The following MAPK4 variants were observed in gnomAD, a reference collection of about 807,000 sequenced individuals.
The protein encoded by MAPK4 is mitogen-activated protein kinase 4.
In MAPK4, 22 loss-of-function variants were observed where a neutral mutation model predicts 47.7. The observed-to-expected ratio is 0.46, with a 90% CI of 0.33 to 0.66. MAPK4 has a LOEUF of 0.66. Among genes scored for constraint, MAPK4 ranks in the 30% least tolerant of loss-of-function variants. The pLI, the probability that MAPK4 is intolerant of heterozygous loss-of-function variation, is 0.02. For missense variants in MAPK4, 736 were observed against 831.7 expected (o/e 0.88, Z 1.42); for synonymous variants, 390 against 365.7 (o/e 1.07, Z -0.76).
At chr18:50,654,906 G>A (rs898672508) in intron 1 of MAPK4, among the ~76,000 whole-genome samples, 6 of 152,206 alleles carry the variant, frequency 3.9e-5, no homozygotes, top group Non-Finnish European at 7.3e-5. Flanking sequence ...GGCTGGTTAC[G>A]TAATTTTCAA....
At chr18:50,715,381 G>T (rs1910587759) in intron 3 of MAPK4, among the ~76,000 whole-genome samples, 158 bp downstream of exon 3, 1 of 152,124 alleles carries the variant, frequency 6.6e-6, no homozygotes, top group Non-Finnish European at 1.5e-5. Flanking sequence ...TTATTATATT[G>T]TCAGGCAAAA....
At chr18:50,672,064 G>A (rs1242441281) in intron 2 of MAPK4, among the ~76,000 whole-genome samples, 1 of 152,046 alleles carries the variant, frequency 6.6e-6, no homozygotes, top group Non-Finnish European at 1.5e-5. Context: ...GACTAAAATG[G>A]GGTCTCTGCC....
At position 50,664,480 on chromosome 18, in the gene MAPK4, C is replaced by T. The variant is rs191006677; in HGVS notation, c.522C>T (p.Ile174=). 1.0e-5 allele frequency: 16 copies of T among 1,603,224 alleles called. No homozygotes were observed. Among genetic ancestry groups the T allele is most frequent in the East Asian group, 9.0e-5 (4 of 44,684 alleles). The change falls in exon 2 of 6, where the codon ATC becomes ATT. Residue 174 remains isoleucine (I), a synonymous_variant. Transcript: ENST00000400384. The surrounding 1 kb of genome is among the most constrained non-coding windows in gnomAD (Gnocchi z 6.0). ...TTGGGGATTTCGGGTTGGCAAGGAT[C>T]GTTGATCAGCATTACTCCCACAAGG... ...LKIGDFGLAR[I]VDQHYSHKGY... is the part of the protein sequence containing the mutation.
At chr18:50,631,701 C>A (rs2042831725) in intron 1 of MAPK4, among the ~76,000 whole-genome samples, 1 of 152,048 alleles carries the variant, frequency 6.6e-6, no homozygotes, top group Admixed American at 6.5e-5. Flanking sequence ...TTTTAACTCT[C>A]CATGTGTGGC....
chr18:50,695,444 A>G (rs531493479), intron 2 of MAPK4, among the ~76,000 whole-genome samples: 1 of 151,014 alleles, frequency 6.6e-6, no homozygotes, highest in African/African-American at 2.4e-5. Flanking sequence ...TGGGTCTTGT[A>G]TGGAACACTT....
At position 50,729,651 on chromosome 18, in the gene MAPK4, T is replaced by G. The variant is rs750446711; in HGVS notation, c.1561T>G (p.Ser521Ala). The change falls in exon 6 of 6, where the codon TCG becomes GCG. Residue 521 changes from serine (S) to alanine (A), a missense_variant. Physicochemically the swap from Ser to Ala is moderately conservative, Grantham distance 99. Transcript: ENST00000400384. ...ADDPERRLSASPPGRPAPVDG... is the reference protein window; with the variant it reads ...ADDPERRLSAAPPGRPAPVDG... ...CGACCCCGAGCGCCGCTTGTCTGCC[T>G]CGCCCCCCGGCCGCCCGGCCCCGGT... 393 of 1,511,278 alleles carry G rather than the reference T, an allele frequency of 2.6e-4. No homozygotes were observed. The highest frequency in any genetic ancestry group is 2.6e-4 in the Non-Finnish European group (294 of 1,127,280). 93.6% of individuals were successfully genotyped at this position (1,511,278 alleles called of 1,614,324 possible).
chr18:50,706,625 G>A (rs1210265981), intron 2 of MAPK4, among the ~76,000 whole-genome samples: 7 of 152,068 alleles, frequency 4.6e-5, no homozygotes, highest in Admixed American at 4.6e-4. Flanking sequence ...CACAAGGACT[G>A]GCCTATTAAA....
At chr18:50,729,099 C>A in intron 5 of MAPK4, 59 bp from the exon 6 acceptor site, 3 of 1,427,620 alleles carry the variant, frequency 2.1e-6, no homozygotes, top group Non-Finnish European at 2.9e-6. Context: ...GGGCTTGGCT[C>A]CCTCCCGGAA....
At chr18:50,707,565 G>C (rs1197383305) in intron 2 of MAPK4, among the ~76,000 whole-genome samples, 2 of 104,426 alleles carry the variant, frequency 1.9e-5, no homozygotes, top group Admixed American at 2.6e-4. Flanking sequence ...GTGAGCCTCT[G>C]TCTCAAAAAA....
chr18:50,578,876 G>A (rs1042271895), intron 1 of MAPK4, among the ~76,000 whole-genome samples: 2 of 152,186 alleles, frequency 1.3e-5, no homozygotes, highest in African/African-American at 2.4e-5. Context: ...CCAGGAGCAC[G>A]TGATGTCTGG....
At chr18:50,670,756 CAAAA>C (rs34523525) in intron 2 of MAPK4, among the ~76,000 whole-genome samples, 1 of 104,706 alleles carries the variant, frequency 9.6e-6, no homozygotes, top group Non-Finnish European at 1.9e-5. Flanking sequence ...GACTCCGTCT[CAAAA>C]AAAAAAAAAA....
intron 3 of MAPK4, among the ~76,000 whole-genome samples, chr18:50,716,202 G>A (rs1407476043): frequency 6.6e-6 from 1 of 151,936 alleles, no homozygotes; most frequent in Non-Finnish European, 1.5e-5. Context: ...CTGCAGCATG[G>A]TTCACGCCCC....
chr18:50,614,558 C>T (rs1404797497), intron 1 of MAPK4, among the ~76,000 whole-genome samples: 3 of 151,896 alleles, frequency 2.0e-5, no homozygotes, highest in Non-Finnish European at 2.9e-5. Context: ...TATGTAGTTG[C>T]CAATATAAAG....
intron 2 of MAPK4, among the ~76,000 whole-genome samples, chr18:50,714,145 A>C (rs1448910655): frequency 6.6e-6 from 1 of 152,196 alleles, no homozygotes; most frequent in African/African-American, 2.4e-5. Flanking sequence ...CCATCCCTGG[A>C]ATCTCCCATT....
chr18:50,680,201 C>T (rs773173451), intron 2 of MAPK4, among the ~76,000 whole-genome samples: 5 of 143,404 alleles, frequency 3.5e-5, no homozygotes, highest in African/African-American at 1.3e-4. Context: ...AAGCAATTCT[C>T]CTGCCTCAGC....
chr18:50,626,288 T>A (rs1295149551), intron 1 of MAPK4, among the ~76,000 whole-genome samples: 2 of 152,188 alleles, frequency 1.3e-5, no homozygotes, highest in Non-Finnish European at 2.9e-5. Flanking sequence ...AAAATTAACC[T>A]TCACACCTGG....
intron 1 of MAPK4, among the ~76,000 whole-genome samples, chr18:50,648,647 G>A (rs1232324899): frequency 6.6e-6 from 1 of 152,166 alleles, no homozygotes; most frequent in Non-Finnish European, 1.5e-5. Flanking sequence ...ACACCCAGCT[G>A]CTGCAGGGGA....
At chr18:50,708,662 T>C (rs1005249936) in intron 2 of MAPK4, among the ~76,000 whole-genome samples, 2 of 152,190 alleles carry the variant, frequency 1.3e-5, no homozygotes, top group Non-Finnish European at 2.9e-5. Flanking sequence ...GTTCTGTGCT[T>C]GGACCCTCTG....
chr18:50,660,396 C>T (rs1332960395), intron 1 of MAPK4, among the ~76,000 whole-genome samples: 2 of 152,132 alleles, frequency 1.3e-5, no homozygotes, highest in Non-Finnish European at 2.9e-5. Context: ...GAACAATTTC[C>T]ATGGCAAGTA....
Sources: allele counts gnomAD v4.1 joint callset (sites outside exome capture counted in the v4.1 genomes callset), GRCh38; gene constraint gnomAD v4.1.1; non-coding constraint Gnocchi (gnomAD v3.1); transcripts MANE v1.5; gene names NCBI Gene and HGNC (gene_info 2026-07-23, HGNC 2026-07-21).